Variants in SOBP observed in about 807,000 individuals in gnomAD.
The protein encoded by SOBP is sine oculis-binding protein homolog.
In SOBP, 4 loss-of-function variants were observed where a neutral mutation model predicts 53.6. The observed-to-expected ratio is 0.07, with a 90% CI of 0.04 to 0.17. The LOEUF is 0.17. Ranked by LOEUF, SOBP falls within the 10% of genes least tolerant of loss-of-function variation. The pLI is 1.00. For synonymous variants in SOBP, 584 were observed against 522.6 expected (o/e 1.12, Z -1.60); for missense variants, 1,088 against 1,204.7 (o/e 0.90, Z 1.43).
chr6:107,625,712 G>A (rs1204217170), intron 5 of SOBP, among the ~76,000 whole-genome samples: 1 of 152,138 alleles, frequency 6.6e-6, no homozygotes, highest in African/African-American at 2.4e-5. Flanking sequence ...GGGGGTTGGG[G>A]GGACTGCTCC....
intron 5 of SOBP, among the ~76,000 whole-genome samples, chr6:107,625,907 T>G (rs1224918462): frequency 6.6e-6 from 1 of 152,224 alleles, no homozygotes; most frequent in Non-Finnish European, 1.5e-5. Context: ...ACTAGCATAC[T>G]TCACTTTTTA....
rs985146868 is a variant in SOBP at position 107,593,109 on chromosome 6, C to A, written c.669+5934C>A. ...CTCTTCAGCCTGTTGGCTCCCATTT[C>A]TGCCATAGTCTTGTAGTTCAGGTCC... is the stretch of plus-strand genomic sequence containing the variant. On this transcript the variant is annotated intron_variant, in intron 5 of 6. Coordinates refer to ENST00000317357, the MANE Select transcript of SOBP (RefSeq NM_018013.4). Among the ~76,000 whole-genome samples the A allele has an allele frequency of 5.9e-5, 9 of 152,252 alleles. No homozygotes were observed. In the East Asian group the frequency reaches 7.7e-4, roughly 13 times the overall value.
intron 4 of SOBP, among the ~76,000 whole-genome samples, chr6:107,548,403 T>C (rs1464998422): frequency 1.3e-5 from 2 of 151,830 alleles, no homozygotes; most frequent in East Asian, 1.9e-4. Context: ...CCACCATGCC[T>C]GGCTAATTTT....
At chr6:107,537,094 C>T (rs1419115186) in intron 4 of SOBP, among the ~76,000 whole-genome samples, 3 of 152,188 alleles carry the variant, frequency 2.0e-5, no homozygotes, top group East Asian at 1.9e-4. Context: ...TGGAAAGTTG[C>T]AGAGACTCCT....
chr6:107,516,253 G>A (rs1783317392), intron 3 of SOBP, among the ~76,000 whole-genome samples: 2 of 152,160 alleles, frequency 1.3e-5, no homozygotes, highest in South Asian at 4.1e-4. Flanking sequence ...CTTGACGACA[G>A]GAGTTCGAGA....
chr6:107,512,019 ACT>A (rs1251082884), intron 3 of SOBP, among the ~76,000 whole-genome samples: 1 of 151,756 alleles, frequency 6.6e-6, no homozygotes, highest in East Asian at 1.9e-4. Context: ...TTTTTTGCAG[ACT>A]CTAGGAAATG....
At chr6:107,557,549 G>T (rs190910640) in intron 4 of SOBP, among the ~76,000 whole-genome samples, 2 of 152,212 alleles carry the variant, frequency 1.3e-5, no homozygotes, top group African/African-American at 4.8e-5. Context: ...CTGTATATCA[G>T]ACTCGGTCAA....
intron 4 of SOBP, among the ~76,000 whole-genome samples, chr6:107,577,302 T>C (rs1785252323): frequency 6.6e-6 from 1 of 152,244 alleles, no homozygotes; most frequent in South Asian, 2.1e-4. Context: ...AGAGCTACAT[T>C]ATTGTACTTC....
chr6:107,546,415 A>T (rs1388917396), intron 4 of SOBP, among the ~76,000 whole-genome samples: 3 of 152,238 alleles, frequency 2.0e-5, no homozygotes, highest in African/African-American at 7.2e-5. Context: ...AAGGAAATAA[A>T]GTATGATGTT....
At chr6:107,607,823 C>T (rs1382875111) in intron 5 of SOBP, among the ~76,000 whole-genome samples, 1 of 152,116 alleles carries the variant, frequency 6.6e-6, no homozygotes, top group African/African-American at 2.4e-5. Flanking sequence ...AGAGCTTTGC[C>T]CCTTACCAGG....
intron 3 of SOBP, chr6:107,529,359 A>G: frequency 1.4e-6 from 1 of 690,836 alleles, no homozygotes; most frequent in Non-Finnish European, 1.8e-6. Context: ...ATGTCATTTC[A>G]TGGCATGGGG....
At chr6:107,638,049 A>T (rs552123926) in intron 6 of SOBP, among the ~76,000 whole-genome samples, 13 of 152,294 alleles carry the variant, frequency 8.5e-5, no homozygotes, top group African/African-American at 3.1e-4. Flanking sequence ...CGAAAGGGTG[A>T]CAAGGCAAGT....
chr6:107,521,006 G>A (rs887740223), intron 3 of SOBP, among the ~76,000 whole-genome samples: 3 of 149,668 alleles, frequency 2.0e-5, no homozygotes, highest in Non-Finnish European at 4.4e-5. Flanking sequence ...CCTGTGCATT[G>A]TAGGACATTT....
intron 6 of SOBP, among the ~76,000 whole-genome samples, chr6:107,648,546 T>C (rs933521234): frequency 4.0e-5 from 6 of 151,818 alleles, no homozygotes; most frequent in African/African-American, 1.2e-4. Context: ...TTTTTTCTTA[T>C]GAAAAACTTT....
rs5878923 is a variant in SOBP, at chr6:107,584,794, A to ATTT, written c.574-2278_574-2276dup. Among the ~76,000 whole-genome samples the ATTT allele has an allele frequency of 2.7e-5, 4 of 149,690 alleles. No individual in the cohort carries two copies. In the East Asian group the frequency reaches 7.8e-4, roughly 29 times the overall value. On this transcript the variant is annotated intron_variant, in intron 4 of 6. Transcript: ENST00000317357. ...GCATATTCAAATATTAGATAATGGGATTTTTTTTTTGTCCTTTAAACACAA... is the reference window on the plus strand; with the variant it reads ...GCATATTCAAATATTAGATAATGGGATTTTTTTTTTTTTGTCCTTTAAACACAA...
intron 5 of SOBP, among the ~76,000 whole-genome samples, chr6:107,606,343 C>A (rs964369027): frequency 2.0e-5 from 3 of 152,068 alleles, no homozygotes; most frequent in African/African-American, 7.2e-5. Context: ...TCCCAAAGTG[C>A]TAGGATTACA....
intron 3 of SOBP, among the ~76,000 whole-genome samples, chr6:107,511,128 A>G (rs1783157825): frequency 6.6e-6 from 1 of 152,202 alleles, no homozygotes; most frequent in South Asian, 2.1e-4. Flanking sequence ...GGCTTTTTCA[A>G]GGTCACATGG....
chr6:107,642,795 G>T (rs1017512975), intron 6 of SOBP, among the ~76,000 whole-genome samples: 1 of 152,160 alleles, frequency 6.6e-6, no homozygotes, highest in Non-Finnish European at 1.5e-5. Flanking sequence ...GTGACTGATA[G>T]TATTTAAAGA....
At chr6:107,642,748 G>A (rs754339648) in intron 6 of SOBP, among the ~76,000 whole-genome samples, 8 of 152,174 alleles carry the variant, frequency 5.3e-5, no homozygotes, top group Non-Finnish European at 1.0e-4. Context: ...GATATAGTAA[G>A]CTGTGTTTTG....
Sources: gnomAD v4.1 joint callset for allele counts (sites outside exome capture counted in the v4.1 genomes callset) on GRCh38, gnomAD v4.1.1 for gene constraint, MANE v1.5 for transcripts, NCBI Gene and HGNC (gene_info 2026-07-23, HGNC 2026-07-21) for gene names.